Variants in ATG12 observed in about 807,000 individuals in gnomAD.
ATG12 encodes the protein autophagy related 12.
In ATG12, 19 loss-of-function variants were observed where a neutral mutation model predicts 17.6. The observed-to-expected ratio is 1.08, with a 90% CI of 0.75 to 1.58. The LOEUF is 1.58. Ranked by LOEUF, ATG12 falls within the 40% of genes most tolerant of loss-of-function variation. The pLI is 0.00. For missense variants in ATG12, 214 were observed against 162.0 expected (o/e 1.32, Z -1.74); for synonymous variants, 75 against 62.4 (o/e 1.20, Z -0.95).
chr5:115,833,477 G>C (rs1760969844), intron 2 of ATG12: 1 of 152,084 alleles, frequency 6.6e-6, no homozygotes, highest in African/African-American at 2.4e-5. Context: ...AGCCAATATA[G>C]TGTGGTGATT....
intron 1 of ATG12, chr5:115,841,041 T>C: frequency 2.1e-6 from 1 of 484,564 alleles, no homozygotes; most frequent in Non-Finnish European, 3.6e-6. Context: ...CTCAAATAAT[T>C]AGCTCCTGTG....
rs897298508 is a variant in ATG12, at chr5:115,828,605, A to G, written c.*3199T>C. 7 of 152,204 alleles carry G rather than the reference A, an allele frequency of 4.6e-5. No homozygotes were observed. Among genetic ancestry groups the G allele is most frequent in the Non-Finnish European group, 1.0e-4 (7 of 68,010 alleles). 9.4% of individuals were successfully genotyped at this position (152,204 alleles called of 1,614,324 possible). A position where few individuals can be genotyped will look rare whatever the true frequency, so the allele number is the denominator to read the frequency against. ...AAATTCTTCATATACTTAAGACATT[A>G]AAAACACTGTCATATGTTGCAAATA... On this transcript the variant is annotated 3_prime_UTR_variant, in exon 4 of 4. Coordinates refer to ENST00000509910, the MANE Select transcript of ATG12 (RefSeq NM_004707.4).
chr5:115,840,499 T>C, intron 1 of ATG12: 1 of 630,584 alleles, frequency 1.6e-6, no homozygotes, highest in South Asian at 1.8e-5. Context: ...AGTCTTACCA[T>C]GTTGGCCAGG....
chr5:115,840,611 A>C (rs1561456105), intron 1 of ATG12: 1 of 1,276,640 alleles, frequency 7.8e-7, no homozygotes, highest in Non-Finnish European at 1.0e-6. Flanking sequence ...GACCACTGTC[A>C]TCTTAAGACA....
intron 2 of ATG12, chr5:115,833,437 T>A (rs571794395): frequency 6.6e-5 from 10 of 152,284 alleles, no homozygotes; most frequent in African/African-American, 2.4e-4. Flanking sequence ...TCACCAACCA[T>A]GAACCATCAA....
chr5:115,839,473 A>G lies in ATG12; in HGVS notation c.164-1709T>C, dbSNP rs60250199. The G allele has an allele frequency of 5.3e-3, 814 of 152,340 alleles. 9 individuals are homozygous for G. Among genetic ancestry groups the G allele is most frequent in the African/African-American group, 0.018 (758 of 41,574 alleles). 9.4% of individuals were successfully genotyped at this position (152,340 alleles called of 1,614,324 possible). A position where few individuals can be genotyped will look rare whatever the true frequency, so the allele number is the denominator to read the frequency against. Reference sequence around the variant, plus strand: ...TCAAATCCCCTGGGGCTATCAATAAATCGATTAATTCAATTAAACATTTCC... The same window carrying G: ...TCAAATCCCCTGGGGCTATCAATAAGTCGATTAATTCAATTAAACATTTCC... On this transcript the variant is annotated intron_variant, in intron 1 of 3. Transcript: ENST00000509910.
At chr5:115,833,124 G>A (rs1277638438) in intron 2 of ATG12, 1 of 152,226 alleles carries the variant, frequency 6.6e-6, no homozygotes, top group African/African-American at 2.4e-5. Context: ...TTTTAATAAA[G>A]TCACTTACAG....
Position 115,828,831 on chromosome 5 carries a change from C to T in ATG12, c.*2973G>A, listed in dbSNP as rs1229400367. 6.6e-6 allele frequency: 1 copy of T among 152,128 alleles called. No individual in the cohort carries two copies. Among genetic ancestry groups the T allele is most frequent in the Admixed American group, 6.5e-5 (1 of 15,278 alleles). 9.4% of individuals were successfully genotyped at this position (152,128 alleles called of 1,614,324 possible). ...AATAACTGGACACATGGCTCTGAGG[C>T]AGTATGCAATAAGTGATTTAATAGT... is the stretch of plus-strand genomic sequence containing the variant. On this transcript the variant is annotated 3_prime_UTR_variant, in exon 4 of 4. Transcript: ENST00000509910.
At position 115,829,911 on chromosome 5, in the gene ATG12, T is replaced by C. The variant is rs1760794664; in HGVS notation, c.*1893A>G. 6.6e-6 allele frequency: 1 copy of C among 152,060 alleles called. No homozygotes were observed. Among genetic ancestry groups the C allele is most frequent in the South Asian group, 2.1e-4 (1 of 4,822 alleles). 9.4% of individuals were successfully genotyped at this position (152,060 alleles called of 1,614,324 possible). A position where few individuals can be genotyped will look rare whatever the true frequency, so the allele number is the denominator to read the frequency against. On this transcript the variant is annotated 3_prime_UTR_variant, in exon 4 of 4. Coordinates refer to ENST00000509910, the MANE Select transcript of ATG12 (RefSeq NM_004707.4). ...GGATCACCTGAGGTCAGTCAGGAGT[T>C]TGAGACCAGCCTGGCCAAAATGGTA...
At chr5:115,837,159 A>C (rs1213627454) in intron 2 of ATG12, among the ~76,000 whole-genome samples, 1 of 152,234 alleles carries the variant, frequency 6.6e-6, no homozygotes, top group African/African-American at 2.4e-5. Context: ...ATAAATACAT[A>C]AACTGGTTCA....
chr5:115,835,765 C>A (rs1477704101), intron 2 of ATG12, among the ~76,000 whole-genome samples: 2 of 152,156 alleles, frequency 1.3e-5, no homozygotes, highest in Admixed American at 6.5e-5. Context: ...TTCTCAGTGC[C>A]GTCAGATGCC....
intron 1 of ATG12, chr5:115,840,490 G>A (rs1429714576): frequency 7.2e-6 from 4 of 552,644 alleles, no homozygotes; most frequent in Non-Finnish European, 1.1e-5. Flanking sequence ...TAGAGATGGA[G>A]TCTTACCATG....
chr5:115,840,798 C>G (rs1262107196), intron 1 of ATG12: 3 of 1,203,978 alleles, frequency 2.5e-6, no homozygotes, highest in Admixed American at 3.2e-5. Context: ...ATAGCTGACT[C>G]AAGCAATGAA....
In ATG12 at chr5:115,829,025, A is replaced by T. The variant is rs1760754955; in HGVS notation, c.*2779T>A. On this transcript the variant is annotated 3_prime_UTR_variant, in exon 4 of 4. Transcript: ENST00000509910. ...AGCAGAAGTAGATAACAGAAAACAC[A>T]AGGCATCTTCAAAGAATGGTGAATA... The T allele has an allele frequency of 6.6e-6, 1 of 152,248 alleles. No individual in the cohort carries two copies. Among genetic ancestry groups the T allele is most frequent in the Non-Finnish European group, 1.5e-5 (1 of 68,034 alleles). 9.4% of individuals were successfully genotyped at this position (152,248 alleles called of 1,614,324 possible).
intron 1 of ATG12, chr5:115,840,891 C>T: frequency 7.8e-7 from 1 of 1,288,196 alleles, no homozygotes; most frequent in Non-Finnish European, 1.0e-6. Flanking sequence ...CTTCATTCTG[C>T]ATAAGAATTT....
Position 115,830,345 on chromosome 5 carries a change from A to C in ATG12, c.*1459T>G, listed in dbSNP as rs1408409586. 2 of 152,088 alleles carry C rather than the reference A, an allele frequency of 1.3e-5. No individual in the cohort carries two copies. The highest frequency in any genetic ancestry group is 2.9e-5 in the Non-Finnish European group (2 of 68,022). 9.4% of individuals were successfully genotyped at this position (152,088 alleles called of 1,614,324 possible). On this transcript the variant is annotated 3_prime_UTR_variant, in exon 4 of 4. Transcript: ENST00000509910. The stretch of plus-strand genomic sequence containing the variant: ...AACCCTCAGTGGCAAACAATACGAA[A>C]ATTCAACATATTTTTATTTGTTAAA...
At chr5:115,832,567 CTTTCTTTTTTTTT>C (rs995126271) in intron 3 of ATG12, 22 bp downstream of exon 3, 296 of 1,066,062 alleles carry the variant, frequency 2.8e-4, no homozygotes, top group East Asian at 1.4e-3. Flanking sequence ...GCAGTAATTT[CTTTCTTTTTTTTT>C]TTTTTTTTTT....
chr5:115,841,222 C>T (rs1761446307), intron 1 of ATG12, 168 bp downstream of exon 1: 1 of 844,612 alleles, frequency 1.2e-6, no homozygotes, highest in South Asian at 1.6e-5. Context: ...TAACACTCAA[C>T]TTAAAGGCCT....
At chr5:115,838,399 T>C (rs1005751396) in intron 1 of ATG12, 1 of 152,300 alleles carries the variant, frequency 6.6e-6, no homozygotes, top group South Asian at 2.1e-4. Flanking sequence ...CACTTTTAAC[T>C]GCCTGGGGTT....
Sources: gnomAD v4.1 joint callset for allele counts (sites outside exome capture counted in the v4.1 genomes callset) on GRCh38, gnomAD v4.1.1 for gene constraint, MANE v1.5 for transcripts, NCBI Gene and HGNC (gene_info 2026-07-23, HGNC 2026-07-21) for gene names.